The following ING1 variants were observed in gnomAD, a reference collection of about 807,000 sequenced individuals.
The protein encoded by ING1 is inhibitor of growth protein 1.
A neutral mutation model predicts 23.1 loss-of-function variants in ING1; 4 were observed. The ratio of observed to expected loss-of-function variants is 0.17; its 90% CI spans 0.09 to 0.40. The LOEUF is 0.40. Ranked by LOEUF, ING1 falls within the 10% of genes least tolerant of loss-of-function variation. ING1 has a pLI of 1.00. For synonymous variants in ING1, 179 were observed against 166.4 expected (o/e 1.08, Z -0.58); for missense variants, 256 against 393.8 (o/e 0.65, Z 2.96).
chr13:110,713,922 C>G lies in ING1; in HGVS notation c.-228C>G. 2.0e-6 allele frequency: 2 copies of G among 987,238 alleles called. No individual in the cohort carries two copies. The highest frequency in any genetic ancestry group is 2.4e-6 in the Non-Finnish European group (2 of 832,234). 61.2% of individuals were successfully genotyped at this position (987,238 alleles called of 1,614,324 possible). On this transcript the variant is annotated 5_prime_UTR_variant, in exon 1 of 2. Coordinates refer to ENST00000333219, the MANE Select transcript of ING1 (RefSeq NM_198219.3). Reference sequence around the variant, plus strand: ...CTGCGCCGCCGGCCGGGGCGTGCGCCCGGGAGCCACCGCCACCGCGGCCCG... The same window carrying G: ...CTGCGCCGCCGGCCGGGGCGTGCGCGCGGGAGCCACCGCCACCGCGGCCCG...
Position 110,715,547 on chromosome 13 carries a change from G to A in ING1, c.136+1262G>A, listed in dbSNP as rs1282265581. ...ATAACTGGTATGGGTCTGTGTTTCC[G>A]CTGTCTTCTTTTTTCTTTTTCGGGG... On this transcript the variant is annotated intron_variant, in intron 1 of 1. Transcript: ENST00000333219. The A allele has an allele frequency of 2.5e-6, 4 of 1,614,148 alleles. No homozygotes were observed. The Admixed American group carries it at 6.7e-5, about 27-fold the overall frequency.
At position 110,714,084 on chromosome 13, in the gene ING1, G is replaced by A; in HGVS notation, c.-66G>A. ...TTTGCATTTTGCAGTGCTATTTTTT[G>A]AGGGGGGCGGGGGGTGGAGGAAGCG... On this transcript the variant is annotated 5_prime_UTR_variant, in exon 1 of 2. Transcript: ENST00000333219. The A allele has an allele frequency of 6.9e-7, 1 of 1,457,078 alleles. No homozygotes were observed. Among genetic ancestry groups the A allele is most frequent in the South Asian group, 1.4e-5 (1 of 73,242 alleles). 90.3% of individuals were successfully genotyped at this position (1,457,078 alleles called of 1,614,324 possible).
At chr13:110,717,766 A>G (rs1050804601) in intron 1 of ING1, among the ~76,000 whole-genome samples, 8 of 152,196 alleles carry the variant, frequency 5.3e-5, no homozygotes, top group African/African-American at 1.9e-4. Context: ...GGCAGGTTGC[A>G]GTGAGCTGAG....
rs2064175092 is a variant in ING1, at chr13:110,721,997, A to G, written c.*2065A>G. Reference sequence around the variant, plus strand: ...AGTGATGACTTTCTAGAATCTAAGTATATGGCATGTATTTATTATAAGTAA... The same window carrying G: ...AGTGATGACTTTCTAGAATCTAAGTGTATGGCATGTATTTATTATAAGTAA... On this transcript the variant is annotated 3_prime_UTR_variant, in exon 2 of 2. Transcript: ENST00000333219. The G allele has an allele frequency of 2.6e-5, 4 of 152,258 alleles. No homozygotes were observed. The highest frequency in any genetic ancestry group is 2.6e-4 in the Admixed American group (4 of 15,290). The allele number at this position is 152,258 out of a possible 1,614,324, so 9.4% of individuals were successfully genotyped here.
In ING1 at chr13:110,719,496, A is replaced by C; in HGVS notation, c.404A>C (p.Lys135Thr). ...GGCAAGGCTGGCGCGGACAGGCCCA[A>C]AGGCGAGGCGGCAGCGCAGGCTGAC... ...NSGKAGADRP[K>T]GEAAAQADKP... Residue 135 changes from lysine (K) to threonine (T), a missense_variant, in exon 2 of 2, where the codon AAA (lysine) becomes ACA (threonine). Around this residue, in one of 3 missense-constraint regions of ING1, gnomAD observed 209 missense variants for 273.8 expected, o/e 0.76. Transcript: ENST00000333219. The surrounding 1 kb of genome is among the most constrained non-coding windows in gnomAD (Gnocchi z 8.9). 6.2e-7 allele frequency: 1 copy of C among 1,612,320 alleles called. No individual in the cohort carries two copies. Among genetic ancestry groups the C allele is most frequent in the Non-Finnish European group, 8.5e-7 (1 of 1,179,326 alleles).
intron 1 of ING1, chr13:110,716,123 A>G (rs1483141193): frequency 1.8e-6 from 2 of 1,119,466 alleles, no homozygotes; most frequent in Non-Finnish European, 2.4e-6. Context: ...TCCGGACGGA[A>G]GGAAGGCAGG....
Position 110,720,313 on chromosome 13 carries a change from T to A in ING1, c.*381T>A, listed in dbSNP as rs78371438. The A allele has an allele frequency of 5.9e-6, 1 of 170,508 alleles. No homozygotes were observed. The highest frequency in any genetic ancestry group is 2.4e-5 in the African/African-American group (1 of 41,598). The allele number at this position is 170,508 out of a possible 1,614,324, so 10.6% of individuals were successfully genotyped here. A position where few individuals can be genotyped will look rare whatever the true frequency, so the allele number is the denominator to read the frequency against. On this transcript the variant is annotated 3_prime_UTR_variant, in exon 2 of 2. Transcript: ENST00000333219. Reference sequence around the variant, plus strand: ...TTATTACTTTATGAACAATTTTTTTTAATTGGCCATGTCGCCAAAAATACA... The same window carrying A: ...TTATTACTTTATGAACAATTTTTTTAAATTGGCCATGTCGCCAAAAATACA...
chr13:110,715,714 C>T, intron 1 of ING1: 2 of 1,589,800 alleles, frequency 1.3e-6, no homozygotes, highest in Non-Finnish European at 1.7e-6. Flanking sequence ...CTGGCCTCCG[C>T]CCTCCAAATC....
chr13:110,716,027 G>A (rs368897921), intron 1 of ING1: 36 of 1,485,750 alleles, frequency 2.4e-5, no homozygotes, highest in Non-Finnish European at 3.1e-5. Flanking sequence ...CTGGGGCTGC[G>A]TCCACGAGGG....
chr13:110,715,032 C>T, intron 1 of ING1: 1 of 998,574 alleles, frequency 1.0e-6, no homozygotes, highest in Non-Finnish European at 1.2e-6. Flanking sequence ...GGGGCGCGGG[C>T]AGATCGCTGG....
chr13:110,712,907 G>C (rs1394546421), upstream of ING1: 2 of 1,534,112 alleles, frequency 1.3e-6, no homozygotes, highest in East Asian at 4.9e-5. Flanking sequence ...CACAAAGGGA[G>C]GGCGGTGACG....
At chr13:110,714,684 G>A (rs953131115) in intron 1 of ING1, among the ~76,000 whole-genome samples, 2 of 152,238 alleles carry the variant, frequency 1.3e-5, no homozygotes, top group Non-Finnish European at 2.9e-5. Flanking sequence ...GGGGCTGCAG[G>A]AGGAGGGCGG....
upstream of ING1, chr13:110,713,224 G>A: frequency 2.1e-6 from 3 of 1,416,230 alleles, no homozygotes; most frequent in South Asian, 3.2e-5. Context: ...GTTCTGTTTC[G>A]GGCCCTACTT....
chr13:110,715,402 A>G, intron 1 of ING1: 1 of 1,532,270 alleles, frequency 6.5e-7, no homozygotes, highest in South Asian at 1.3e-5. Flanking sequence ...TCATTAGCAT[A>G]TTATGGAACG....
At position 110,714,055 on chromosome 13, in the gene ING1, G is replaced by A. The variant is rs1347840210; in HGVS notation, c.-95G>A. On this transcript the variant is annotated 5_prime_UTR_variant, in exon 1 of 2. Coordinates refer to ENST00000333219, the MANE Select transcript of ING1 (RefSeq NM_198219.3). ...CGGCGGGGGGGCGCCGGGAGAGCGA[G>A]GGCTTTGCATTTTGCAGTGCTATTT... is the stretch of plus-strand genomic sequence containing the variant. The A allele has an allele frequency of 1.5e-6, 2 of 1,301,896 alleles. No homozygotes were observed. Among genetic ancestry groups the A allele is most frequent in the African/African-American group, 1.5e-5 (1 of 65,002 alleles). 80.6% of individuals were successfully genotyped at this position (1,301,896 alleles called of 1,614,324 possible).
rs1274387578 is a variant in ING1, at chr13:110,722,849, T to G, written c.*2917T>G. ...TTAAAAAAAAATCACAGATAAGTACTTAAAACACTCAAGATTTGGGATTTA... is the reference window on the plus strand; with the variant it reads ...TTAAAAAAAAATCACAGATAAGTACGTAAAACACTCAAGATTTGGGATTTA... On this transcript the variant is annotated 3_prime_UTR_variant, in exon 2 of 2. Coordinates refer to ENST00000333219, the MANE Select transcript of ING1 (RefSeq NM_198219.3). 1 of 152,024 alleles carries G rather than the reference T, an allele frequency of 6.6e-6. No individual in the cohort carries two copies. The highest frequency in any genetic ancestry group is 1.5e-5 in the Non-Finnish European group (1 of 68,000). The allele number at this position is 152,024 out of a possible 1,614,324, so 9.4% of individuals were successfully genotyped here.
intron 1 of ING1, chr13:110,715,507 G>C (rs907120985): frequency 5.4e-5 from 87 of 1,613,812 alleles, no homozygotes; most frequent in Non-Finnish European, 7.0e-5. Context: ...GGCGGATGAA[G>C]GCGGGCCTAG....
At chr13:110,715,121 G>A in intron 1 of ING1, 2 of 1,099,414 alleles carry the variant, frequency 1.8e-6, no homozygotes, top group Non-Finnish European at 2.2e-6. Flanking sequence ...TCAGAGAGAG[G>A]TGGCGAGTTC....
rs1187613732 is a variant in ING1 at position 110,714,159 on chromosome 13, C to A, written c.10C>A (p.Pro4Thr). Residue 4 changes from proline to threonine, a missense_variant, in exon 1 of 2, where the codon CCT becomes ACT. Pro to Thr is a conservative substitution (Grantham distance 38). Coordinates refer to ENST00000333219, the MANE Select transcript of ING1 (RefSeq NM_198219.3). ...ACCTCCGGGGTGAACCATGTTGAGT[C>A]CTGCCAACGGGGAGCAGCTCCACCT... MLSPANGEQLHLVN... is the reference protein window; with the variant it reads MLSTANGEQLHLVN... 1.3e-6 allele frequency: 2 copies of A among 1,549,030 alleles called. No individual in the cohort carries two copies. The highest frequency in any genetic ancestry group is 1.7e-6 in the Non-Finnish European group (2 of 1,148,504).
Sources: allele counts gnomAD v4.1 joint callset (sites outside exome capture counted in the v4.1 genomes callset), GRCh38; gene constraint gnomAD v4.1.1; regional missense constraint gnomAD v4.1.1; non-coding constraint Gnocchi (gnomAD v3.1); transcripts MANE v1.5; gene names NCBI Gene and HGNC (gene_info 2026-07-23, HGNC 2026-07-21).